ERAP2: variants seen among roughly 807,000 people sequenced by gnomAD.
ERAP2 encodes endoplasmic reticulum aminopeptidase 2, also known as leukocyte-derived arginine aminopeptidase.
A neutral mutation model predicts 111.1 loss-of-function variants in ERAP2; 118 were observed. The observed-to-expected ratio is 1.06, with a 90% confidence interval of 0.92 to 1.24. The LOEUF (loss-of-function observed/expected upper bound fraction) is 1.24. Among genes scored for constraint, ERAP2 ranks in the 50% most tolerant of loss-of-function variants. The pLI is 0.00. For synonymous variants in ERAP2, 410 were observed against 401.2 expected (o/e 1.02, Z -0.26); for missense variants, 1,131 against 1,125.8 (o/e 1.00, Z -0.07).
At position 96,882,897 on chromosome 5, in the gene ERAP2, C is replaced by G. The variant is rs3849747; in HGVS notation, c.576-895C>G. Among the ~76,000 whole-genome samples the G allele has an allele frequency of 3.0e-3, 464 of 152,310 alleles. 7 individuals are homozygous for G. The highest frequency in any genetic ancestry group is 9.9e-3 in the African/African-American group (410 of 41,562). On this transcript the variant is annotated intron_variant, in intron 2 of 18. Coordinates refer to ENST00000437043, the MANE Select transcript of ERAP2 (RefSeq NM_022350.5). ...TCTTATTTGAGCTATTCTATTCCCC[C>G]CTCCTTTTCCAGTCAAAATCTGCTC...
intron 13 of ERAP2, 23 bp from the exon 14 acceptor site, chr5:96,908,938 C>T: frequency 6.2e-7 from 1 of 1,604,126 alleles, no homozygotes; most frequent in Non-Finnish European, 8.5e-7. Flanking sequence ...GCACAAACCA[C>T]TGACATTTGT....
At position 96,909,133 on chromosome 5, in the gene ERAP2, A is replaced by T; in HGVS notation, c.2169+16A>T. ...AAACCTCAAGGTTTGTGTTGCTTTT[A>T]GAAAATGTATTAAGTAAATACACAG... On this transcript the variant is annotated intron_variant, in intron 14 of 18. Transcript: ENST00000437043. 5.0e-6 allele frequency: 8 copies of T among 1,612,232 alleles called. No individual in the cohort carries two copies. Among genetic ancestry groups the T allele is most frequent in the Non-Finnish European group, 6.8e-6 (8 of 1,178,388 alleles).
chr5:96,896,227 G>A (rs575798839), intron 7 of ERAP2, 146 bp from the exon 8 acceptor site: 10 of 583,876 alleles, frequency 1.7e-5, no homozygotes, highest in African/African-American at 3.9e-5. Flanking sequence ...TGGCCAAAGG[G>A]GAATACATAC....
chr5:96,891,545 C>G lies in ERAP2; in HGVS notation c.971-754C>G, dbSNP rs1359868051. 5.8e-5 allele frequency among the ~76,000 whole-genome samples: 8 copies of G among 137,360 alleles called. No homozygotes were observed. In the East Asian group the frequency reaches 1.8e-3, roughly 30 times the overall value. The allele number at this position is 137,360 out of a possible 152,430, so 90.1% of individuals were successfully genotyped here. A position where few individuals can be genotyped will look rare whatever the true frequency, so the allele number is the denominator to read the frequency against. On this transcript the variant is annotated intron_variant, in intron 5 of 18. Coordinates refer to ENST00000437043, the MANE Select transcript of ERAP2 (RefSeq NM_022350.5). ...CATATACGGTATATATACACACACA[C>G]ACACACACACACACACACATATATG...
At chr5:96,912,471 A>G (rs1289085089) in intron 15 of ERAP2, among the ~76,000 whole-genome samples, 166 bp from the exon 16 acceptor site, 1 of 152,192 alleles carries the variant, frequency 6.6e-6, no homozygotes, top group Non-Finnish European at 1.5e-5. Flanking sequence ...TTGCAGAGTA[A>G]AAGCACATAA....
At chr5:96,883,677 T>C in intron 2 of ERAP2, 115 bp from the exon 3 acceptor site, 1 of 1,042,852 alleles carries the variant, frequency 9.6e-7, no homozygotes, top group Non-Finnish European at 1.4e-6. Flanking sequence ...AGATTGCAGT[T>C]TGAGAAATCA....
chr5:96,879,538 G>T, intron 1 of ERAP2, 26 bp from the exon 2 acceptor site: 1 of 608,452 alleles, frequency 1.6e-6, no homozygotes, highest in Non-Finnish European at 2.9e-6. Context: ...TTTTTGTCAT[G>T]CTATAAGTGT....
At chr5:96,896,126 G>T (rs1316158355) in intron 7 of ERAP2, among the ~76,000 whole-genome samples, 1 of 151,962 alleles carries the variant, frequency 6.6e-6, no homozygotes, top group Non-Finnish European at 1.5e-5. Flanking sequence ...TTCAAGGGCT[G>T]GTACATGATA....
chr5:96,887,151 A>G (rs1194204949), intron 4 of ERAP2, among the ~76,000 whole-genome samples: 1 of 150,166 alleles, frequency 6.7e-6, no homozygotes, highest in Admixed American at 6.6e-5. Flanking sequence ...TTTGCAAAAT[A>G]ATATATTGAC....
chr5:96,899,666 T>C (rs929245360), intron 9 of ERAP2, among the ~76,000 whole-genome samples: 3 of 152,242 alleles, frequency 2.0e-5, no homozygotes, highest in African/African-American at 7.2e-5. Context: ...ACTGTAGGAA[T>C]ACCTTGGTAA....
chr5:96,896,528 G>A (rs1365958930), intron 8 of ERAP2, 24 bp downstream of exon 8: 6 of 1,586,092 alleles, frequency 3.8e-6, no homozygotes, highest in Non-Finnish European at 5.1e-6. Context: ...GGTGCAGGTG[G>A]AAGCTCTGCT....
At position 96,883,872 on chromosome 5, in the gene ERAP2, A is replaced by C. The variant is rs1342669372; in HGVS notation, c.656A>C (p.Asn219Thr). 1 of 1,613,716 alleles carries C rather than the reference A, an allele frequency of 6.2e-7. No homozygotes were observed. The highest frequency in any genetic ancestry group is 8.5e-7 in the Non-Finnish European group (1 of 1,179,866). Residue 219 changes from asparagine (N) to threonine (T), a missense_variant, in exon 3 of 19, where the codon AAC becomes ACC. Asn to Thr is a moderately conservative substitution (Grantham distance 65, BLOSUM62 0). Transcript: ENST00000437043. The part of the protein sequence containing the change: ...PCFDEPLFKA[N>T]FSIKIRRESR... ...TTTGATGAACCGTTGTTCAAAGCCA[A>C]CTTTTCAATCAAGATACGAAGAGAG...
chr5:96,913,685 G>GC, intron 17 of ERAP2, among the ~76,000 whole-genome samples: 1 of 152,288 alleles, frequency 6.6e-6, no homozygotes, highest in East Asian at 1.9e-4. Context: ...TTCAGTCCAG[G>GC]CAAGAAACCA....
At chr5:96,913,651 G>C (rs1345446547) in intron 17 of ERAP2, among the ~76,000 whole-genome samples, 194 bp downstream of exon 17, 2 of 152,154 alleles carry the variant, frequency 1.3e-5, no homozygotes, top group Non-Finnish European at 2.9e-5. Flanking sequence ...TGAGAATAAG[G>C]GAATGGGAAA....
rs1024214126 is a variant in ERAP2 at position 96,884,053 on chromosome 5, T to C, written c.714+123T>C. 4 of 580,832 alleles carry C rather than the reference T, an allele frequency of 6.9e-6. No individual in the cohort carries two copies. The African/African-American group carries it at 7.8e-5, about 11-fold the overall frequency. The allele number at this position is 580,832 out of a possible 1,614,324, so 36.0% of individuals were successfully genotyped here. A position where few individuals can be genotyped will look rare whatever the true frequency, so the allele number is the denominator to read the frequency against. Reference sequence around the variant, plus strand: ...TTGTTTTTATCTATCTATCTATCTATCTATCTATCTATCTATCTATCTATC... The same window carrying C: ...TTGTTTTTATCTATCTATCTATCTACCTATCTATCTATCTATCTATCTATC... On this transcript the variant is annotated intron_variant, in intron 3 of 18. Transcript: ENST00000437043.
rs751903503 is a variant in ERAP2, at chr5:96,880,057, A to T, written c.372A>T (p.Ser124=). The change falls in exon 2 of 19, where the codon TCA becomes TCT. Residue 124 remains serine (S), a synonymous_variant. Coordinates refer to ENST00000437043, the MANE Select transcript of ERAP2 (RefSeq NM_022350.5). ...AAATCACGAATGCCACCCTTCAGTC[A>T]GAGGAAGATTCAAGATACATGAAAC... ...DLEITNATLQ[S]EEDSRYMKPG... is the part of the protein sequence containing the mutation. 7 of 1,614,164 alleles carry T rather than the reference A, an allele frequency of 4.3e-6. No homozygotes were observed. The highest frequency in any genetic ancestry group is 5.9e-6 in the Non-Finnish European group (7 of 1,180,014).
chr5:96,911,972 G>C (rs548545575), intron 15 of ERAP2, among the ~76,000 whole-genome samples: 14 of 150,888 alleles, frequency 9.3e-5, no homozygotes, highest in African/African-American at 2.7e-4. Context: ...GGCGGATCAC[G>C]AGGTCAGGAA....
At position 96,889,085 on chromosome 5, in the gene ERAP2, GA is replaced by G. The variant is rs1171426098; in HGVS notation, c.850-96del. On this transcript the variant is annotated intron_variant, in intron 4 of 18. Transcript: ENST00000437043. ...CTTAATGGTATCTTAATACTTTCTT[GA>G]AAAGATACAGTCTGCCTTTCTGTGT... The G allele has an allele frequency of 6.4e-6, 9 of 1,396,722 alleles. No homozygotes were observed. The Admixed American group carries it at 1.2e-4, about 19-fold the overall frequency. The allele number at this position is 1,396,722 out of a possible 1,614,324, so 86.5% of individuals were successfully genotyped here. A position where few individuals can be genotyped will look rare whatever the true frequency, so the allele number is the denominator to read the frequency against.
intron 2 of ERAP2, chr5:96,881,257 A>G (rs188312570): frequency 1.6e-4 from 59 of 376,198 alleles, no homozygotes; most frequent in African/African-American, 1.1e-3. Context: ...AGAGTAATCA[A>G]TTGGGAGGTC....
Sources: allele counts gnomAD v4.1 joint callset (sites outside exome capture counted in the v4.1 genomes callset), GRCh38; gene constraint gnomAD v4.1.1; transcripts MANE v1.5; gene names NCBI Gene and HGNC (gene_info 2026-07-23, HGNC 2026-07-21).